Variants in PLXNC1 observed in about 807,000 individuals in gnomAD.
PLXNC1 encodes plexin-C1.
Under a neutral mutation model 178.2 loss-of-function variants are expected in PLXNC1, and 75 were observed. That is an observed-to-expected ratio of 0.42 (90% CI 0.35 to 0.51). The LOEUF is 0.51. Among genes scored for constraint, PLXNC1 ranks in the 20% least tolerant of loss-of-function variants. PLXNC1 has a pLI of 0.02. For missense variants in PLXNC1, 1,503 were observed against 1,984.4 expected (o/e 0.76, Z 4.61); for synonymous variants, 790 against 779.9 (o/e 1.01, Z -0.22).
At chr12:94,239,158 G>C (rs940026148) in intron 10 of PLXNC1, among the ~76,000 whole-genome samples, 1 of 152,128 alleles carries the variant, frequency 6.6e-6, no homozygotes, top group Non-Finnish European at 1.5e-5. Context: ...TCTGCATGTC[G>C]CATTTCAGTA....
chr12:94,243,911 C>A, intron 11 of PLXNC1, 27 bp from the exon 12 acceptor site: 1 of 1,231,324 alleles, frequency 8.1e-7, no homozygotes. Context: ...GCTATGAAAC[C>A]CTTATTGTTG....
chr12:94,262,576 C>T, intron 20 of PLXNC1: 2 of 985,482 alleles, frequency 2.0e-6, no homozygotes, highest in African/African-American at 1.7e-5. Context: ...GGCGGCTCGG[C>T]TCGCCAGGAG....
chr12:94,202,911 A>G (rs527467657), intron 4 of PLXNC1, among the ~76,000 whole-genome samples: 6 of 152,328 alleles, frequency 3.9e-5, no homozygotes, highest in African/African-American at 1.2e-4. Flanking sequence ...GCATGTAGAC[A>G]GGAGAGTCTG....
intron 1 of PLXNC1, among the ~76,000 whole-genome samples, chr12:94,166,574 A>G (rs1961621369): frequency 6.7e-6 from 1 of 149,462 alleles, no homozygotes; most frequent in African/African-American, 2.5e-5. Flanking sequence ...TATTACTATC[A>G]TCATCTCTTT....
intron 21 of PLXNC1, among the ~76,000 whole-genome samples, chr12:94,274,179 A>AAAAAAAAAAAAAAAAG (rs1965771885): frequency 6.7e-6 from 1 of 149,794 alleles, no homozygotes; most frequent in African/African-American, 2.5e-5. Flanking sequence ...AAAAAAAAAA[A>AAAAAAAAAAAAAAAAG]AAAAAAAATT....
chr12:94,231,321 G>A (rs545210372), intron 9 of PLXNC1, among the ~76,000 whole-genome samples: 3 of 152,198 alleles, frequency 2.0e-5, no homozygotes, highest in East Asian at 3.9e-4. Flanking sequence ...AAGATTCCAG[G>A]ACACACGCTA....
chr12:94,162,458 C>A (rs183837917), intron 1 of PLXNC1, among the ~76,000 whole-genome samples: 5 of 152,120 alleles, frequency 3.3e-5, no homozygotes. Flanking sequence ...GGATTCAATT[C>A]TCAGCATTGT....
rs575791966 is a variant in PLXNC1 at position 94,260,625 on chromosome 12, G to T, written c.3252-17G>T. ...AGGCCTGCAGCCAATGGTTCACCCA[G>T]CTCTCTTTTTCAACAGGTGTCTGTT... On this transcript the variant is annotated splice_polypyrimidine_tract_variant and intron_variant, in intron 19 of 30. Transcript: ENST00000258526. The surrounding 1 kb of genome is among the most constrained non-coding windows in gnomAD (Gnocchi z 4.4). 1 of 1,602,088 alleles carries T rather than the reference G, an allele frequency of 6.2e-7. No homozygotes were observed. The highest frequency in any genetic ancestry group is 1.3e-5 in the African/African-American group (1 of 74,514).
At chr12:94,211,563 G>A (rs779301064) in intron 5 of PLXNC1, among the ~76,000 whole-genome samples, 2 of 152,160 alleles carry the variant, frequency 1.3e-5, no homozygotes, top group Non-Finnish European at 2.9e-5. Flanking sequence ...TTTGCTACCT[G>A]CCTATCATAT....
chr12:94,166,405 A>G (rs1961611564), intron 1 of PLXNC1, among the ~76,000 whole-genome samples: 1 of 152,204 alleles, frequency 6.6e-6, no homozygotes, highest in Non-Finnish European at 1.5e-5. Flanking sequence ...CTAGAAAGTG[A>G]CAGAGCCAGG....
chr12:94,208,531 G>A lies in PLXNC1; in HGVS notation c.1440-1059G>A, dbSNP rs578000246. 5.9e-5 allele frequency among the ~76,000 whole-genome samples: 9 copies of A among 152,240 alleles called. No homozygotes were observed. The South Asian group carries it at 1.2e-3, about 21-fold the overall frequency. On this transcript the variant is annotated intron_variant, in intron 4 of 30. Coordinates refer to ENST00000258526, the MANE Select transcript of PLXNC1 (RefSeq NM_005761.3). ...TCCTCATTCCGCTCGGATCCCCTCC[G>A]GGACTCCCCGTAGCTGAATGTGGTC... is the stretch of plus-strand genomic sequence containing the variant.
At position 94,298,709 on chromosome 12, in the gene PLXNC1, A is replaced by T. The variant is rs1968172299; in HGVS notation, c.4152A>T (p.Ile1384=). ...CCAACAGCAGAGCTCCATTTGCTAT[A>T]AAATACTTTTTTGACTTTTTGGACG... ...SLPNSRAPFA[I]KYFFDFLDAQ... Residue 1384 remains isoleucine, a synonymous_variant, in exon 27 of 31, where the codon ATA becomes ATT. Transcript: ENST00000258526. The T allele has an allele frequency of 6.2e-7, 1 of 1,613,156 alleles. No homozygotes were observed.
chr12:94,178,661 G>C, intron 2 of PLXNC1, among the ~76,000 whole-genome samples: 1 of 152,198 alleles, frequency 6.6e-6, no homozygotes, highest in East Asian at 1.9e-4. Context: ...ACTTTCTGTA[G>C]TGATAGAAAT....
At chr12:94,251,021 T>TAAAACA (rs1007709891) in intron 14 of PLXNC1, among the ~76,000 whole-genome samples, 5 of 152,242 alleles carry the variant, frequency 3.3e-5, no homozygotes, top group African/African-American at 1.2e-4. Flanking sequence ...ACTTTGTCTC[T>TAAAACA]AAAACAAAAA....
chr12:94,283,187 C>A (rs1410162416), intron 23 of PLXNC1, among the ~76,000 whole-genome samples: 1 of 152,138 alleles, frequency 6.6e-6, no homozygotes, highest in Non-Finnish European at 1.5e-5. Flanking sequence ...AGAGTCAACA[C>A]CTTGCGTGTA....
chr12:94,181,400 A>AAT, intron 2 of PLXNC1, 46 bp from the exon 3 acceptor site: 1 of 1,277,094 alleles, frequency 7.8e-7, no homozygotes, highest in Non-Finnish European at 1.1e-6. Flanking sequence ...AAAAAAAAAA[A>AAT]GTATTAAATA....
At chr12:94,156,095 T>C (rs952446464) in intron 1 of PLXNC1, among the ~76,000 whole-genome samples, 14 of 152,364 alleles carry the variant, frequency 9.2e-5, no homozygotes, top group Non-Finnish European at 2.1e-4. Context: ...CAGTTTCTTA[T>C]CTATAAATAG....
In PLXNC1 at chr12:94,169,260, A is replaced by T. The variant is rs1961750433; in HGVS notation, c.1170A>T (p.Leu390Phe). ...CCGTGGTAATGAACAGGACTGTTTT[A>T]TTCTTGGGGACTGGAGATGGCCAGT... The part of the protein sequence containing the change: ...YGTVVMNRTV[L>F]FLGTGDGQLL... The change falls in exon 2 of 31, where the codon TTA becomes TTT. Residue 390 changes from leucine (L) to phenylalanine (F), a missense_variant. Leu to Phe is a conservative substitution (Grantham distance 22). This residue lies in a region of PLXNC1 where 615 missense variants were observed against 698.6 expected (regional missense o/e 0.88). Coordinates refer to ENST00000258526, the MANE Select transcript of PLXNC1 (RefSeq NM_005761.3). 2 of 1,613,850 alleles carry T rather than the reference A, an allele frequency of 1.2e-6. No individual in the cohort carries two copies. The highest frequency in any genetic ancestry group is 1.7e-6 in the Non-Finnish European group (2 of 1,179,934).
At chr12:94,280,571 G>A (rs542215354) in intron 22 of PLXNC1, among the ~76,000 whole-genome samples, 1 of 152,338 alleles carries the variant, frequency 6.6e-6, no homozygotes, top group East Asian at 1.9e-4. Context: ...AAGCAGGGCT[G>A]CTAAGGCACC....
Sources: allele counts gnomAD v4.1 joint callset (sites outside exome capture counted in the v4.1 genomes callset), GRCh38; gene constraint gnomAD v4.1.1; regional missense constraint gnomAD v4.1.1; non-coding constraint Gnocchi (gnomAD v3.1); transcripts MANE v1.5; gene names NCBI Gene and HGNC (gene_info 2026-07-23, HGNC 2026-07-21).